Variants in TAF3 observed in about 807,000 individuals in gnomAD.
TAF3 encodes the protein TATA-box binding protein associated factor 3.
Under a neutral mutation model 80.6 loss-of-function variants are expected in TAF3, and 7 were observed. The observed-to-expected ratio is 0.09, with a 90% CI of 0.05 to 0.16. The LOEUF (loss-of-function observed/expected upper bound fraction) is 0.16, where lower values mean the gene tolerates loss of function less well. TAF3 is among the 10% of genes least tolerant of loss of function. The pLI is 1.00. For missense variants in TAF3, 921 were observed against 1,140.2 expected (o/e 0.81, Z 2.77); for synonymous variants, 444 against 446.1 (o/e 1.00, Z 0.06).
chr10:7,897,540 G>A (rs1476202932), intron 2 of TAF3, among the ~76,000 whole-genome samples: 1 of 151,956 alleles, frequency 6.6e-6, no homozygotes, highest in Non-Finnish European at 1.5e-5. Context: ...TCATGGTACC[G>A]CTAAGGCAAC....
intron 4 of TAF3, among the ~76,000 whole-genome samples, chr10:8,006,342 C>T (rs972188865): frequency 9.9e-5 from 15 of 151,876 alleles, no homozygotes; most frequent in Admixed American, 6.6e-5. Flanking sequence ...CGCCATTACA[C>T]TCCAGCCTAG....
At chr10:8,008,717 C>A (rs551845378) in intron 4 of TAF3, among the ~76,000 whole-genome samples, 20 of 152,120 alleles carry the variant, frequency 1.3e-4, no homozygotes, top group Non-Finnish European at 2.6e-4. Context: ...CCTGTCAGGC[C>A]CCCCCGAGGA....
intron 2 of TAF3, among the ~76,000 whole-genome samples, chr10:7,945,623 C>A (rs1234180954): frequency 2.0e-5 from 3 of 152,046 alleles, no homozygotes; most frequent in African/African-American, 7.3e-5. Context: ...TAACTACCCA[C>A]CCGGCTACAT....
intron 2 of TAF3, among the ~76,000 whole-genome samples, chr10:7,901,642 T>C (rs1837559696): frequency 6.6e-6 from 1 of 152,220 alleles, no homozygotes; most frequent in Non-Finnish European, 1.5e-5. Context: ...GAGGTGTGCA[T>C]TGAGCACAGT....
At chr10:7,971,125 A>C (rs1352991859) in intron 3 of TAF3, among the ~76,000 whole-genome samples, 1 of 152,186 alleles carries the variant, frequency 6.6e-6, no homozygotes, top group Non-Finnish European at 1.5e-5. Context: ...CGGACGGGAA[A>C]GCTCATATTC....
chr10:7,937,274 T>G (rs935672415), intron 2 of TAF3, among the ~76,000 whole-genome samples: 6 of 152,224 alleles, frequency 3.9e-5, no homozygotes, highest in African/African-American at 1.4e-4. Flanking sequence ...TCTTCCTAAT[T>G]GGCTGTATCA....
intron 2 of TAF3, among the ~76,000 whole-genome samples, chr10:7,962,455 T>A (rs1015856027): frequency 2.6e-5 from 4 of 152,214 alleles, no homozygotes; most frequent in Non-Finnish European, 4.4e-5. Flanking sequence ...AGGTCCAAAC[T>A]ACCAGTAGAA....
At chr10:7,886,131 G>C (rs180783012) in intron 2 of TAF3, among the ~76,000 whole-genome samples, 489 of 152,128 alleles carry the variant, frequency 3.2e-3, no homozygotes, top group Admixed American at 5.7e-3. Context: ...GTCTCACTAT[G>C]TTGCCTGGGC....
intron 4 of TAF3, among the ~76,000 whole-genome samples, chr10:7,999,765 T>C (rs1831925526): frequency 6.6e-6 from 1 of 152,170 alleles, no homozygotes; most frequent in African/African-American, 2.4e-5. Flanking sequence ...CCCAAATGTA[T>C]TACTTTATGT....
intron 2 of TAF3, among the ~76,000 whole-genome samples, chr10:7,833,194 T>C (rs1035158375): frequency 1.3e-5 from 2 of 152,198 alleles, no homozygotes; most frequent in Non-Finnish European, 2.9e-5. Context: ...TTCCACATAA[T>C]CTTTTCAAAT....
chr10:7,829,340 C>T (rs779720837), intron 2 of TAF3, among the ~76,000 whole-genome samples: 6 of 152,114 alleles, frequency 3.9e-5, no homozygotes, highest in Admixed American at 3.3e-4. Context: ...AAGTGACGCC[C>T]GCACTGTATT....
intron 2 of TAF3, among the ~76,000 whole-genome samples, chr10:7,865,805 G>T (rs1478949702): frequency 6.6e-6 from 1 of 152,210 alleles, no homozygotes; most frequent in Non-Finnish European, 1.5e-5. Context: ...CACTGACAAG[G>T]ACTCTCCCGT....
At chr10:7,968,108 A>G (rs1831589992) in intron 3 of TAF3, among the ~76,000 whole-genome samples, 1 of 152,184 alleles carries the variant, frequency 6.6e-6, no homozygotes, top group African/African-American at 2.4e-5. Flanking sequence ...CTACAAATCT[A>G]CAGAAGTAAG....
At chr10:7,901,076 T>C (rs144630354) in intron 2 of TAF3, among the ~76,000 whole-genome samples, 13 of 152,280 alleles carry the variant, frequency 8.5e-5, no homozygotes, top group Admixed American at 8.5e-4. Context: ...TGCATTTGAT[T>C]ATAATTTATT....
intron 2 of TAF3, among the ~76,000 whole-genome samples, chr10:7,931,181 CATT>C (rs1453287253): frequency 1.3e-5 from 2 of 152,142 alleles, no homozygotes; most frequent in African/African-American, 2.4e-5. Context: ...ATATGTATCA[CATT>C]ATCTCATTTA....
intron 4 of TAF3, among the ~76,000 whole-genome samples, chr10:8,002,273 T>G (rs1223607662): frequency 6.6e-6 from 1 of 152,216 alleles, no homozygotes; most frequent in African/African-American, 2.4e-5. Context: ...TTTCTTTTTT[T>G]CTGTTTTCAT....
chr10:7,861,789 T>C (rs1317024248), intron 2 of TAF3, among the ~76,000 whole-genome samples: 4 of 146,664 alleles, frequency 2.7e-5, no homozygotes, highest in Non-Finnish European at 6.1e-5. Flanking sequence ...GTTTTCTTTC[T>C]TTTTTTTTCT....
At chr10:7,980,188 G>C (rs920402398) in intron 4 of TAF3, among the ~76,000 whole-genome samples, 5 of 152,084 alleles carry the variant, frequency 3.3e-5, no homozygotes, top group East Asian at 1.9e-4. Flanking sequence ...ATAGTCCAGG[G>C]GGGTATTTAT....
intron 4 of TAF3, among the ~76,000 whole-genome samples, chr10:7,995,556 G>A (rs543242827): frequency 7.9e-5 from 12 of 151,998 alleles, no homozygotes; most frequent in South Asian, 6.2e-4. Flanking sequence ...TTTATGATTC[G>A]GAACATTTGA....
Sources: gnomAD v4.1 joint callset for allele counts (sites outside exome capture counted in the v4.1 genomes callset) on GRCh38, gnomAD v4.1.1 for gene constraint, MANE v1.5 for transcripts, NCBI Gene and HGNC (gene_info 2026-07-23, HGNC 2026-07-21) for gene names.